Variants in PCDHA1 observed in about 807,000 individuals in gnomAD.
PCDHA1 encodes the protein protocadherin alpha 1.
Under a neutral mutation model 61.3 loss-of-function variants are expected in PCDHA1, and 42 were observed. That is an observed-to-expected ratio of 0.69 (90% CI 0.54 to 0.89). PCDHA1 has a LOEUF of 0.89. Among genes scored for constraint, PCDHA1 ranks in the 40% least tolerant of loss-of-function variants. The pLI, the probability that PCDHA1 is intolerant of heterozygous loss-of-function variation, is 0.00. For missense variants in PCDHA1, 1,256 were observed against 1,235.3 expected, an observed-to-expected ratio of 1.02 and a Z score of -0.25; for synonymous variants, 610 against 553.8, an observed-to-expected ratio of 1.10 and a Z score of -1.43.
chr5:140,981,881 C>T lies in PCDHA1; in HGVS notation c.2454-594C>T, dbSNP rs138571007. Among the ~76,000 whole-genome samples the T allele has an allele frequency of 4.1e-3, 622 of 152,270 alleles. 4 individuals carry two copies. Among genetic ancestry groups the T allele is most frequent in the African/African-American group, 0.014 (590 of 41,550 alleles). ...CAGCAATGTTTTATGCTGAATTAAT[C>T]TCTTCTGAGCGGGGATCTGTGAGTG... On this transcript the variant is annotated intron_variant, in intron 2 of 3. Transcript: ENST00000504120.
chr5:140,853,006 G>A (rs1263540311), intron 1 of PCDHA1: 2 of 293,534 alleles, frequency 6.8e-6, no homozygotes, highest in Non-Finnish European at 1.1e-5. Flanking sequence ...AGCCTCCCGA[G>A]TAGCTGGGAC....
At chr5:140,836,239 G>A in intron 1 of PCDHA1, 1 of 1,613,796 alleles carries the variant, frequency 6.2e-7, no homozygotes, top group Non-Finnish European at 8.5e-7. Context: ...GCCGGTGCGA[G>A]CATCCCGTTC....
At chr5:140,919,183 A>T (rs2079029188) in intron 1 of PCDHA1, among the ~76,000 whole-genome samples, 1 of 152,104 alleles carries the variant, frequency 6.6e-6, no homozygotes, top group Non-Finnish European at 1.5e-5. Context: ...TATCTTCCTG[A>T]TTGGTCCTTT....
At chr5:140,848,356 A>T in intron 1 of PCDHA1, 1 of 1,038,310 alleles carries the variant, frequency 9.6e-7, no homozygotes, top group Non-Finnish European at 1.4e-6. Flanking sequence ...CCCTTTTCCC[A>T]TGGGAAAGAG....
At chr5:140,964,998 G>C (rs2095868277) in intron 1 of PCDHA1, among the ~76,000 whole-genome samples, 1 of 152,166 alleles carries the variant, frequency 6.6e-6, no homozygotes, top group Admixed American at 6.5e-5. Flanking sequence ...TTTGAATTCT[G>C]GGTGTCAGGA....
In PCDHA1 at chr5:140,887,388, G is replaced by A. The variant is rs138166374; in HGVS notation, c.2395-91561G>A. ...TGGGATTACAGGTGTGAGCCACCGC[G>A]CCCGGCTCTTTATCTCATTTTTATT... is the stretch of plus-strand genomic sequence containing the variant. On this transcript the variant is annotated intron_variant, in intron 1 of 3. Transcript: ENST00000504120. 5.8e-3 allele frequency among the ~76,000 whole-genome samples: 888 copies of A among 152,192 alleles called. 10 individuals carry two copies. The highest frequency in any genetic ancestry group is 0.019 in the African/African-American group (805 of 41,536).
chr5:140,971,958 CT>C (rs1176007834), intron 1 of PCDHA1, among the ~76,000 whole-genome samples: 2 of 152,172 alleles, frequency 1.3e-5, no homozygotes, highest in African/African-American at 2.4e-5. Context: ...ACTCCAAAAA[CT>C]TTTTTTCAAT....
In PCDHA1 at chr5:140,938,797, G is replaced by T. The variant is rs76361474; in HGVS notation, c.2395-40152G>T. On this transcript the variant is annotated intron_variant, in intron 1 of 3. Coordinates refer to ENST00000504120, the MANE Select transcript of PCDHA1 (RefSeq NM_018900.4). Reference sequence around the variant, plus strand: ...TTAGTACCTGAATGATGAAATAATCGGTACCACAAACCCCTGTGACATGAG... The same window carrying T: ...TTAGTACCTGAATGATGAAATAATCTGTACCACAAACCCCTGTGACATGAG... Among the ~76,000 whole-genome samples, 827 of 152,042 alleles carry T rather than the reference G, an allele frequency of 5.4e-3. 3 individuals carry two copies. Among genetic ancestry groups the T allele is most frequent in the African/African-American group, 0.019 (796 of 41,444 alleles).
intron 1 of PCDHA1, among the ~76,000 whole-genome samples, chr5:140,973,831 C>T (rs1212841510): frequency 1.3e-5 from 2 of 152,214 alleles, no homozygotes; most frequent in African/African-American, 4.8e-5. Flanking sequence ...GTTCTGGGTA[C>T]TTGCTTGTTG....
intron 1 of PCDHA1, among the ~76,000 whole-genome samples, chr5:140,793,705 A>AT (rs1352057599): frequency 6.6e-5 from 10 of 151,948 alleles, no homozygotes; most frequent in Non-Finnish European, 1.0e-4. Flanking sequence ...TTCTATTTTC[A>AT]TTTTTTTACT....
At chr5:140,841,167 G>T (rs1003651834) in intron 1 of PCDHA1, 106 of 954,536 alleles carry the variant, frequency 1.1e-4, no homozygotes, top group Non-Finnish European at 3.5e-5. Context: ...AAGAAGTTCT[G>T]GTTGGTCAAT....
chr5:140,843,061 G>A lies in PCDHA1; in HGVS notation c.2394+54377G>A, dbSNP rs113750272. ...GCACTGGTGGCGCAGCGAGCAAGCT[G>A]GTGCCGCGGTCTGTGGGCGCGGGCC... On this transcript the variant is annotated intron_variant, in intron 1 of 3. Coordinates refer to ENST00000504120, the MANE Select transcript of PCDHA1 (RefSeq NM_018900.4). 2.1e-3 allele frequency: 3,330 copies of A among 1,595,224 alleles called. 278 individuals are homozygous for A. In the African/African-American group the frequency reaches 0.039, roughly 19 times the overall value.
intron 1 of PCDHA1, chr5:140,796,839 G>T (rs782045457): frequency 6.2e-7 from 1 of 1,614,100 alleles, no homozygotes; most frequent in Non-Finnish European, 8.5e-7. Context: ...TCCGCGTGGG[G>T]CTATACACGG....
Position 140,857,572 on chromosome 5 carries a change from G to T in PCDHA1, c.2394+68888G>T, listed in dbSNP as rs144978636. On this transcript the variant is annotated intron_variant, in intron 1 of 3. Coordinates refer to ENST00000504120, the MANE Select transcript of PCDHA1 (RefSeq NM_018900.4). Reference sequence around the variant, plus strand: ...AGCGCTCGCTGTCGAGCTACGTGTCGGTGCACGCGGAGAGCGGCAAGGTGT... The same window carrying T: ...AGCGCTCGCTGTCGAGCTACGTGTCTGTGCACGCGGAGAGCGGCAAGGTGT... 1.0e-5 allele frequency: 16 copies of T among 1,596,716 alleles called. 2 individuals carry two copies. The highest frequency in any genetic ancestry group is 1.4e-5 in the Non-Finnish European group (16 of 1,167,664).
chr5:140,823,591 C>G, intron 1 of PCDHA1: 1 of 1,614,004 alleles, frequency 6.2e-7, no homozygotes, highest in Non-Finnish European at 8.5e-7. Context: ...CAACGCTTGG[C>G]TTTCGTATGA....
intron 3 of PCDHA1, among the ~76,000 whole-genome samples, chr5:140,995,811 G>A (rs949931541): frequency 6.6e-6 from 1 of 152,240 alleles, no homozygotes; most frequent in South Asian, 2.1e-4. Context: ...GTTTCTGAAG[G>A]GAGATAGCCT....
chr5:140,797,762 T>C (rs1762260750), intron 1 of PCDHA1, among the ~76,000 whole-genome samples: 1 of 152,260 alleles, frequency 6.6e-6, no homozygotes, highest in African/African-American at 2.4e-5. Context: ...GGATAGTGTT[T>C]GGAATAACCT....
chr5:140,801,183 T>G (rs932527237), intron 1 of PCDHA1: 18 of 1,574,054 alleles, frequency 1.1e-5, no homozygotes, highest in Non-Finnish European at 1.5e-5. Flanking sequence ...ATCTAATATT[T>G]GGAAAATACT....
At chr5:140,916,821 CT>C (rs1452400361) in intron 1 of PCDHA1, among the ~76,000 whole-genome samples, 3 of 152,170 alleles carry the variant, frequency 2.0e-5, no homozygotes, top group Non-Finnish European at 2.9e-5. Flanking sequence ...TGTGCCACCC[CT>C]ATCCCTCTGG....
Sources: gnomAD v4.1 joint callset for allele counts (sites outside exome capture counted in the v4.1 genomes callset) on GRCh38, gnomAD v4.1.1 for gene constraint, MANE v1.5 for transcripts, NCBI Gene and HGNC (gene_info 2026-07-23, HGNC 2026-07-21) for gene names.